Variants in ZNF503 observed in about 807,000 individuals in gnomAD.
ZNF503 encodes NocA-like zinc finger 2.
ZNF503 carries 15 observed loss-of-function variants against 34.4 expected under a neutral mutation model. The ratio of observed to expected loss-of-function variants is 0.44; its 90% CI spans 0.29 to 0.67. ZNF503 has a LOEUF of 0.67. ZNF503 is among the 30% of genes least tolerant of loss of function. The pLI is 0.13. For missense variants in ZNF503, 1,007 were observed against 926.8 expected (o/e 1.09, Z -1.12); for synonymous variants, 580 against 456.8 (o/e 1.27, Z -3.44).
the ZNF503 span, among the ~76,000 whole-genome samples, chr10:75,371,779 G>C: frequency 6.6e-6 from 1 of 152,138 alleles, no homozygotes; most frequent in Non-Finnish European, 1.5e-5. Flanking sequence ...GAGCAGACCA[G>C]GTAATTTCCC....
the ZNF503 span, among the ~76,000 whole-genome samples, chr10:75,287,750 T>G: frequency 6.6e-6 from 1 of 152,178 alleles, no homozygotes; most frequent in Non-Finnish European, 1.5e-5. Context: ...TCCGCCCAGC[T>G]TTTCCTCACA....
At chr10:75,282,180 A>G in the ZNF503 span, among the ~76,000 whole-genome samples, 3 of 152,230 alleles carry the variant, frequency 2.0e-5, no homozygotes, top group Admixed American at 2.0e-4. Flanking sequence ...TAAACAAGTC[A>G]TGACAACTCA....
chr10:75,310,160 G>A, the ZNF503 span, among the ~76,000 whole-genome samples: 111 of 152,254 alleles, frequency 7.3e-4, no homozygotes, highest in Middle Eastern at 3.4e-3. Flanking sequence ...AGAGGAATAC[G>A]AAGTAGGCTT....
chr10:75,382,679 T>C, the ZNF503 span: 1 of 346,962 alleles, frequency 2.9e-6, no homozygotes, highest in Non-Finnish European at 5.7e-6. Flanking sequence ...TTCTGCTGGA[T>C]CAAAAGTGGT....
At chr10:75,353,843 G>T in the ZNF503 span, among the ~76,000 whole-genome samples, 1 of 152,188 alleles carries the variant, frequency 6.6e-6, no homozygotes, top group Non-Finnish European at 1.5e-5. Context: ...GCTAGATGCT[G>T]CTTGTCCTCA....
chr10:75,328,815 C>T, the ZNF503 span, among the ~76,000 whole-genome samples: 6 of 143,588 alleles, frequency 4.2e-5, no homozygotes, highest in South Asian at 6.6e-4. Flanking sequence ...GGTGTGATCT[C>T]GGCTCACTGC....
At chr10:75,378,127 A>T in the ZNF503 span, among the ~76,000 whole-genome samples, 1 of 151,648 alleles carries the variant, frequency 6.6e-6, no homozygotes, top group Non-Finnish European at 1.5e-5. Flanking sequence ...ATGAGAAACC[A>T]CCCTCATGAT....
At chr10:75,381,929 C>T in the ZNF503 span, among the ~76,000 whole-genome samples, 544 of 148,332 alleles carry the variant, frequency 3.7e-3, 17 homozygotes, top group Admixed American at 0.034. Flanking sequence ...ATCTAAGCCT[C>T]CCGAGTAGCT....
At chr10:75,376,001 C>G in the ZNF503 span, among the ~76,000 whole-genome samples, 1 of 152,202 alleles carries the variant, frequency 6.6e-6, no homozygotes. Flanking sequence ...CTGCACGTCA[C>G]AAGGCAGATC....
chr10:75,325,915 G>A, the ZNF503 span, among the ~76,000 whole-genome samples: 1 of 151,618 alleles, frequency 6.6e-6, no homozygotes, highest in Non-Finnish European at 1.5e-5. Flanking sequence ...CTGGAGTGCA[G>A]TGGTGTGATC....
the ZNF503 span, among the ~76,000 whole-genome samples, chr10:75,324,797 G>A: frequency 2.6e-5 from 4 of 152,206 alleles, no homozygotes; most frequent in African/African-American, 9.6e-5. Flanking sequence ...TTATTCCCAT[G>A]CTTATTTGCT....
the ZNF503 span, chr10:75,382,611 G>A: frequency 9.8e-6 from 4 of 409,066 alleles, no homozygotes; most frequent in South Asian, 8.4e-5. Flanking sequence ...TTCTCAGGTG[G>A]TTCTTGCTCC....
At chr10:75,317,264 CTTTTTTTTTTTTTTTTTTT>C in the ZNF503 span, among the ~76,000 whole-genome samples, 3 of 74,764 alleles carry the variant, frequency 4.0e-5, no homozygotes, top group African/African-American at 5.4e-5. Context: ...CATCCCACGT[CTTTTTTTTTTTTTTTTTTT>C]TTTTTTTTTT....
the ZNF503 span, among the ~76,000 whole-genome samples, chr10:75,329,592 A>G: frequency 6.6e-6 from 1 of 152,080 alleles, no homozygotes; most frequent in Admixed American, 6.5e-5. Context: ...CAGCTTCCCA[A>G]GTAGCTGGGA....
the ZNF503 span, among the ~76,000 whole-genome samples, chr10:75,370,099 T>TAAATAAAA: frequency 6.6e-5 from 10 of 151,542 alleles, no homozygotes; most frequent in African/African-American, 1.2e-4. Flanking sequence ...AATAAATAAA[T>TAAATAAAA]AAAATGAAGT....
chr10:75,360,290 T>A, the ZNF503 span, among the ~76,000 whole-genome samples: 1 of 49,660 alleles, frequency 2.0e-5, no homozygotes. Context: ...CTGGCTAATG[T>A]TTTTTTGTAT....
chr10:75,352,732 G>A, the ZNF503 span, among the ~76,000 whole-genome samples: 136 of 152,318 alleles, frequency 8.9e-4, 1 homozygote, highest in African/African-American at 3.1e-3. Flanking sequence ...GAAGAGTCAA[G>A]GTCCTTTAAT....
chr10:75,399,379 G>T lies in ZNF503; in HGVS notation c.1311C>A (p.Cys437Ter). ...CCGCCGCCCCTGCCAGGTGGCTAGC[G>T]CAGTGGTAGCTGAGGCAGTAAGGGT... The part of the protein sequence containing the change: ...CRDPYCLSYH[C>*]ASHLAGAAAA... Residue 437 changes from cysteine to a stop codon, truncating the protein, a stop_gained, in exon 2 of 2, where the codon TGC (cysteine) becomes TGA (stop). Transcript: ENST00000372524. LOFTEE classifies it high-confidence loss of function. 1 of 1,606,430 alleles carries T rather than the reference G, an allele frequency of 6.2e-7. No individual in the cohort carries two copies.
chr10:75,353,204 G>A, the ZNF503 span, among the ~76,000 whole-genome samples: 1 of 152,230 alleles, frequency 6.6e-6, no homozygotes, highest in Non-Finnish European at 1.5e-5. Flanking sequence ...CTGATGTTCA[G>A]TTCTAATTAT....
Sources: allele counts gnomAD v4.1 joint callset (sites outside exome capture counted in the v4.1 genomes callset), GRCh38; gene constraint gnomAD v4.1.1; transcripts MANE v1.5; gene names NCBI Gene and HGNC (gene_info 2026-07-23, HGNC 2026-07-21).